The following CFAP61 variants were observed in gnomAD, a reference collection of about 807,000 sequenced individuals.
CFAP61 encodes the protein cilia and flagella associated protein 61, also known as cilia- and flagella-associated protein 61.
CFAP61 carries 107 observed loss-of-function variants against 135.6 expected under a neutral mutation model. The ratio of observed to expected loss-of-function variants is 0.79; its 90% CI spans 0.67 to 0.93. CFAP61 has a LOEUF of 0.93. Among genes scored for constraint, CFAP61 ranks in the 40% least tolerant of loss-of-function variants. The pLI is 0.00. For synonymous variants in CFAP61, 575 were observed against 578.5 expected, an observed-to-expected ratio of 0.99 and a Z score of 0.09; for missense variants, 1,507 against 1,556.2, an observed-to-expected ratio of 0.97 and a Z score of 0.53.
At chr20:20,142,547 C>T (rs2249271) in intron 8 of CFAP61, among the ~76,000 whole-genome samples, 137,284 of 152,238 alleles carry the variant, frequency 0.9, 62,711 homozygotes, top group Middle Eastern at 0.99. Flanking sequence ...TTGAGGGCCT[C>T]CTGTGGCCCA....
intron 8 of CFAP61, among the ~76,000 whole-genome samples, chr20:20,123,978 T>G (rs576515714): frequency 6.8e-6 from 1 of 146,756 alleles, no homozygotes; most frequent in Admixed American, 6.8e-5. Flanking sequence ...TAAGTTTTTT[T>G]TTTTTTTTTT....
chr20:20,067,878 C>T (rs1399239363), intron 2 of CFAP61, among the ~76,000 whole-genome samples: 3 of 150,262 alleles, frequency 2.0e-5, no homozygotes. Context: ...GACCTAGTGA[C>T]TAAGGGGTAA....
intron 22 of CFAP61, among the ~76,000 whole-genome samples, chr20:20,281,854 G>A (rs2054220954): frequency 1.3e-5 from 2 of 152,056 alleles, no homozygotes; most frequent in South Asian, 2.1e-4. Flanking sequence ...TTTCTTGGAC[G>A]TTTGACAGAA....
chr20:20,268,503 C>G (rs935210152), intron 21 of CFAP61, among the ~76,000 whole-genome samples: 3 of 152,222 alleles, frequency 2.0e-5, no homozygotes, highest in Non-Finnish European at 2.9e-5. Context: ...TTCACATCTT[C>G]TGCTTCCAAA....
intron 25 of CFAP61, among the ~76,000 whole-genome samples, chr20:20,334,371 C>T (rs2058100886): frequency 6.6e-6 from 1 of 152,234 alleles, no homozygotes; most frequent in Non-Finnish European, 1.5e-5. Flanking sequence ...AAGTGATCCG[C>T]CTGCCTCGGC....
intron 26 of CFAP61, among the ~76,000 whole-genome samples, chr20:20,348,412 G>T (rs1044749342): frequency 6.6e-6 from 1 of 152,004 alleles, no homozygotes; most frequent in Admixed American, 6.6e-5. Flanking sequence ...GGGAGGCTGG[G>T]TGCAGTGGGT....
At chr20:20,117,329 G>A (rs1047817013) in intron 8 of CFAP61, among the ~76,000 whole-genome samples, 2 of 151,706 alleles carry the variant, frequency 1.3e-5, no homozygotes, top group Non-Finnish European at 2.9e-5. Context: ...GGGCAACAGA[G>A]TGAGACTCCA....
intron 8 of CFAP61, among the ~76,000 whole-genome samples, chr20:20,108,218 G>T (rs1488565662): frequency 1.3e-5 from 2 of 152,106 alleles, no homozygotes; most frequent in Non-Finnish European, 2.9e-5. Context: ...TAACATTCTG[G>T]AGTACAATTT....
At position 20,341,849 on chromosome 20, in the gene CFAP61, G is replaced by C; in HGVS notation, c.3441G>C (p.Trp1147Cys). ...TDLYSYFTEP[W>C]CLALFHDRFI... ...TTACCAGCTACTTCACCGAGCCGTG[G>C]TGCCTGGCCCTGTTCCACGATCGTT... The change falls in exon 26 of 27, where the codon TGG becomes TGC. Residue 1147 changes from tryptophan (W) to cysteine (C), a missense_variant. Physicochemically the swap from Trp to Cys is radical, Grantham distance 215 (BLOSUM62 -2). Transcript: ENST00000245957. 1 of 1,613,562 alleles carries C rather than the reference G, an allele frequency of 6.2e-7. No individual in the cohort carries two copies. Among genetic ancestry groups the C allele is most frequent in the Non-Finnish European group, 8.5e-7 (1 of 1,179,886 alleles).
intron 6 of CFAP61, among the ~76,000 whole-genome samples, chr20:20,077,766 C>T (rs1297969344): frequency 6.6e-6 from 1 of 152,200 alleles, no homozygotes; most frequent in African/African-American, 2.4e-5. Flanking sequence ...AAGGGTTTAT[C>T]TAAAGACCTG....
chr20:20,106,373 C>G (rs1467685663), intron 8 of CFAP61, among the ~76,000 whole-genome samples: 1 of 152,158 alleles, frequency 6.6e-6, no homozygotes, highest in Non-Finnish European at 1.5e-5. Flanking sequence ...TCTTCAAAAA[C>G]AACCATAGCA....
intron 17 of CFAP61, among the ~76,000 whole-genome samples, chr20:20,207,074 T>C (rs1027713534): frequency 2.0e-5 from 3 of 152,232 alleles, no homozygotes; most frequent in Admixed American, 2.0e-4. Context: ...TCAGTTCTTT[T>C]GAAAGCAGAG....
intron 22 of CFAP61, among the ~76,000 whole-genome samples, chr20:20,278,596 G>A (rs1445670235): frequency 6.6e-6 from 1 of 152,118 alleles, no homozygotes; most frequent in East Asian, 1.9e-4. Flanking sequence ...AGCCATTTAG[G>A]GGCAGGCATT....
intron 13 of CFAP61, among the ~76,000 whole-genome samples, chr20:20,184,394 A>G (rs1324321120): frequency 1.3e-5 from 2 of 152,196 alleles, no homozygotes; most frequent in South Asian, 2.1e-4. Context: ...CAACACTGCC[A>G]TCTTTGTCAA....
chr20:20,070,053 T>G (rs2045595463), intron 2 of CFAP61, among the ~76,000 whole-genome samples: 1 of 152,232 alleles, frequency 6.6e-6, no homozygotes, highest in Non-Finnish European at 1.5e-5. Context: ...ATATGCTGCC[T>G]TTAAGTGCCT....
At position 20,251,750 on chromosome 20, in the gene CFAP61, G is replaced by C. The variant is rs2050933240; in HGVS notation, c.2315G>C (p.Gly772Ala). The C allele has an allele frequency of 6.2e-7, 1 of 1,613,668 alleles. No homozygotes were observed. The highest frequency in any genetic ancestry group is 1.1e-5 in the South Asian group (1 of 91,080). ...VPYDHLILCT[G>A]QQYQVPCPTE... ...TACGACCACCTCATCCTCTGCACCG[G>C]GCAGCAGTACCAGGTAAGGCCGGGC... The change falls in exon 20 of 27, where the codon GGG becomes GCG. Residue 772 changes from glycine (G) to alanine (A), a missense_variant. Coordinates refer to ENST00000245957, the MANE Select transcript of CFAP61 (RefSeq NM_015585.4).
intron 6 of CFAP61, among the ~76,000 whole-genome samples, chr20:20,090,149 G>A (rs904282681): frequency 2.0e-5 from 3 of 152,070 alleles, no homozygotes; most frequent in African/African-American, 7.2e-5. Context: ...CCCATGACAA[G>A]TGCTTCCCTG....
intron 26 of CFAP61, among the ~76,000 whole-genome samples, chr20:20,354,913 G>GGGAGGTGGTCAGACTCTGTCAGA: frequency 1.1e-5 from 1 of 87,244 alleles, no homozygotes; most frequent in African/African-American, 4.5e-5. Context: ...TCACACTGAG[G>GGGAGGTGGTCAGACTCTGTCAGA]GGAGGTGGTC....
At chr20:20,071,895 A>G (rs971952424) in intron 3 of CFAP61, among the ~76,000 whole-genome samples, 1 of 152,134 alleles carries the variant, frequency 6.6e-6, no homozygotes, top group Non-Finnish European at 1.5e-5. Flanking sequence ...TTGGAAATAG[A>G]CCAAAACGAT....
Sources: gnomAD v4.1 joint callset for allele counts (sites outside exome capture counted in the v4.1 genomes callset) on GRCh38, gnomAD v4.1.1 for gene constraint, MANE v1.5 for transcripts, NCBI Gene and HGNC (gene_info 2026-07-23, HGNC 2026-07-21) for gene names.